Variants in PKD1L1 observed in about 807,000 individuals in gnomAD.
The protein encoded by PKD1L1 is polycystin 1 like 1, transient receptor potential channel interacting.
Under a neutral mutation model 323.4 loss-of-function variants are expected in PKD1L1, and 236 were observed. That is an observed-to-expected ratio of 0.73 (90% confidence interval 0.66 to 0.81). The LOEUF (loss-of-function observed/expected upper bound fraction) is 0.81. Ranked by LOEUF, PKD1L1 falls within the 40% of genes least tolerant of loss-of-function variation. The pLI is 0.00. For synonymous variants in PKD1L1, 1,344 were observed against 1,335.0 expected, an observed-to-expected ratio of 1.01 and a Z score of -0.15; for missense variants, 3,320 against 3,508.0, an observed-to-expected ratio of 0.95 and a Z score of 1.35.
At chr7:47,818,151 T>TCA (rs1359178934) in intron 46 of PKD1L1, 1 of 1,367,300 alleles carries the variant, frequency 7.3e-7, no homozygotes, top group Non-Finnish European at 9.8e-7. Context: ...CAGAGAGGCA[T>TCA]CAGGAAAGGA....
intron 24 of PKD1L1, among the ~76,000 whole-genome samples, chr7:47,872,480 A>G (rs1391912578): frequency 1.3e-5 from 2 of 152,254 alleles, no homozygotes; most frequent in African/African-American, 4.8e-5. Flanking sequence ...TCAAGAAACA[A>G]ACGTTTTAAT....
chr7:47,948,497 C>T, upstream of PKD1L1: 6 of 1,546,854 alleles, frequency 3.9e-6, no homozygotes, highest in Non-Finnish European at 5.4e-6. Context: ...CTTCCTACAT[C>T]CTCTGGAAGA....
intron 8 of PKD1L1, 134 bp downstream of exon 8, chr7:47,915,298 A>G (rs1296032480): frequency 6.9e-6 from 4 of 581,780 alleles, no homozygotes; most frequent in Non-Finnish European, 1.2e-5. Context: ...AATGCCACAC[A>G]CAGGACACCG....
chr7:47,775,327 A>G (rs563193728), intron 56 of PKD1L1, among the ~76,000 whole-genome samples, 161 bp from the exon 57 acceptor site: 2 of 152,404 alleles, frequency 1.3e-5, no homozygotes, highest in East Asian at 3.9e-4. Context: ...CAACAACAGC[A>G]GAATACAAAT....
intron 7 of PKD1L1, among the ~76,000 whole-genome samples, chr7:47,919,811 C>T (rs907356003): frequency 2.6e-4 from 39 of 152,114 alleles, no homozygotes; most frequent in Admixed American, 5.9e-4. Context: ...CAACAAAATC[C>T]AGCATCCCTT....
chr7:47,788,542 G>A (rs1178439777), intron 56 of PKD1L1, among the ~76,000 whole-genome samples: 5 of 147,292 alleles, frequency 3.4e-5, no homozygotes, highest in African/African-American at 9.9e-5. Flanking sequence ...ACAGGTGTGA[G>A]CCACCACACC....
chr7:47,854,924 G>A lies in PKD1L1; in HGVS notation c.4817C>T (p.Ser1606Phe). ...QESLQIEIEF[S>F]KPVTRAFPVM... is the part of the protein sequence containing the mutation. ...GGGAAATGCCCTTGTAACAGGTTTGGAAAATTCAATTTCTATCTGTAGAGA... is the reference window on the plus strand; with the variant it reads ...GGGAAATGCCCTTGTAACAGGTTTGAAAAATTCAATTTCTATCTGTAGAGA... Residue 1606 changes from serine to phenylalanine, a missense_variant, in exon 30 of 57, where the codon TCC becomes TTC. Ser to Phe is a radical substitution (Grantham distance 155). Coordinates refer to ENST00000289672, the MANE Select transcript of PKD1L1 (RefSeq NM_138295.5). The A allele has an allele frequency of 1.2e-6, 2 of 1,614,064 alleles. No individual in the cohort carries two copies. Among genetic ancestry groups the A allele is most frequent in the Non-Finnish European group, 1.7e-6 (2 of 1,180,012 alleles).
chr7:47,956,693 C>A, the PKD1L1 span: 1 of 152,152 alleles, frequency 6.6e-6, no homozygotes, highest in Non-Finnish European at 1.5e-5. Flanking sequence ...TGTCACCAAA[C>A]AGACAAAGTG....
intron 48 of PKD1L1, 144 bp from the exon 49 acceptor site, chr7:47,813,437 A>G: frequency 1.1e-6 from 1 of 918,148 alleles, no homozygotes; most frequent in Non-Finnish European, 1.7e-6. Flanking sequence ...ATCGTTCTGC[A>G]GCCTGTTTCG....
intron 2 of PKD1L1, among the ~76,000 whole-genome samples, chr7:47,943,163 AATATATATAT>A (rs60168291): frequency 0.055 from 1,845 of 33,826 alleles, 53 homozygotes; most frequent in East Asian, 0.13. Context: ...AAAAAAAAAA[AATATATATAT>A]ATATATATAT....
In PKD1L1 at chr7:47,902,464, G is replaced by A. The variant is rs369118108; in HGVS notation, c.1979C>T (p.Ala660Val). 5.6e-6 allele frequency: 9 copies of A among 1,613,942 alleles called. No homozygotes were observed. The highest frequency in any genetic ancestry group is 4.0e-5 in the African/African-American group (3 of 74,912). The change falls in exon 13 of 57, where the codon GCC becomes GTC. Residue 660 changes from alanine to valine, a missense_variant. Transcript: ENST00000289672. ...GAAAAGTTGCTGTCTTAGAGTGGAG[G>A]CACTGACATTATTGAAGGCAAGGAC... ...VEVLAFNNVS[A>V]STLRQQLFIV...
chr7:47,850,632 C>CAA (rs58437908), intron 31 of PKD1L1, among the ~76,000 whole-genome samples: 20,476 of 75,428 alleles, frequency 0.27, 3,209 homozygotes, highest in Non-Finnish European at 0.31. Flanking sequence ...GACTCTGTCT[C>CAA]AAAAAAAAAA....
chr7:47,844,861 T>C, intron 33 of PKD1L1, 134 bp downstream of exon 33: 3 of 584,398 alleles, frequency 5.1e-6, no homozygotes, highest in Non-Finnish European at 8.9e-6. Flanking sequence ...TATCTACTAA[T>C]ATGCACATTT....
chr7:47,936,899 A>T lies in PKD1L1; in HGVS notation c.345T>A (p.Ala115=), dbSNP rs1787877948. ...ALSVVNEKTQ[A]VVNEKTQAPL... The stretch of plus-strand genomic sequence containing the variant: ...GCGCCTGTGTTTTTTCATTAACAAC[A>T]GCCTGTGTTTTTTCATTAACAACAC... Residue 115 remains alanine, a synonymous_variant, in exon 4 of 57, where the codon GCT becomes GCA. Transcript: ENST00000289672. 1 of 1,613,676 alleles carries T rather than the reference A, an allele frequency of 6.2e-7. No individual in the cohort carries two copies. Among genetic ancestry groups the T allele is most frequent in the South Asian group, 1.1e-5 (1 of 90,864 alleles).
At chr7:47,915,654 G>A (rs968231438) in intron 7 of PKD1L1, 55 bp from the exon 8 acceptor site, 4 of 1,098,248 alleles carry the variant, frequency 3.6e-6, no homozygotes, top group African/African-American at 3.2e-5. Flanking sequence ...ATAAACTAGG[G>A]GAAAATGTGG....
Position 47,813,931 on chromosome 7 carries a change from C to G in PKD1L1, c.7173G>C (p.Lys2391Asn). Reference protein sequence around the residue: ...QLKVFPRHLCKPPRPFSALIE... With the variant: ...QLKVFPRHLCNPPRPFSALIE... ...AGCAAAAGGAAAAGGAACATCTTACCTTGCATAAATGCCTAGGAAAAACTT... is the reference window on the plus strand; with the variant it reads ...AGCAAAAGGAAAAGGAACATCTTACGTTGCATAAATGCCTAGGAAAAACTT... Residue 2391 changes from lysine (K) to asparagine (N), a missense_variant and splice_region_variant, in exon 48 of 57, where the codon AAG (lysine) becomes AAC (asparagine). Lys to Asn is a moderately conservative substitution (Grantham distance 94). Transcript: ENST00000289672. 1.9e-6 allele frequency: 3 copies of G among 1,612,686 alleles called. No homozygotes were observed. Among genetic ancestry groups the G allele is most frequent in the Non-Finnish European group, 2.5e-6 (3 of 1,178,736 alleles).
At chr7:47,899,153 T>C (rs1400508732) in intron 13 of PKD1L1, among the ~76,000 whole-genome samples, 1 of 152,200 alleles carries the variant, frequency 6.6e-6, no homozygotes, top group Non-Finnish European at 1.5e-5. Context: ...AATATTAGCA[T>C]TATTCATTCA....
chr7:47,879,661 C>T (rs1483257551), intron 21 of PKD1L1, among the ~76,000 whole-genome samples: 3 of 130,486 alleles, frequency 2.3e-5, no homozygotes, highest in Admixed American at 7.7e-5. Context: ...AGGCCAGGCA[C>T]GGTGGCTCAC....
At chr7:47,875,620 G>A (rs912669392) in intron 23 of PKD1L1, among the ~76,000 whole-genome samples, 1 of 152,174 alleles carries the variant, frequency 6.6e-6, no homozygotes, top group African/African-American at 2.4e-5. Flanking sequence ...ACAACCTCAG[G>A]AACAGGGTCA....
Sources: gnomAD v4.1 joint callset for allele counts (sites outside exome capture counted in the v4.1 genomes callset) on GRCh38, gnomAD v4.1.1 for gene constraint, MANE v1.5 for transcripts, NCBI Gene and HGNC (gene_info 2026-07-23, HGNC 2026-07-21) for gene names.